ALPK2: variants seen among roughly 807,000 people sequenced by gnomAD.
ALPK2 encodes alpha-protein kinase 2.
Under a neutral mutation model 163.1 loss-of-function variants are expected in ALPK2, and 127 were observed. The observed-to-expected ratio is 0.78, with a 90% CI of 0.67 to 0.90. The LOEUF is 0.90. Among genes scored for constraint, ALPK2 ranks in the 40% least tolerant of loss-of-function variants. The pLI, the probability that ALPK2 is intolerant of heterozygous loss-of-function variation, is 0.00. For missense variants in ALPK2, 2,360 were observed against 2,589.6 expected (o/e 0.91, Z 1.92); for synonymous variants, 953 against 959.1 (o/e 0.99, Z 0.12).
In ALPK2 at chr18:58,481,869, G is replaced by A. The variant is rs201143538; in HGVS notation, c.6467C>T (p.Thr2156Ile). The A allele has an allele frequency of 3.2e-5, 52 of 1,614,036 alleles. No individual in the cohort carries two copies. In the East Asian group the frequency reaches 7.8e-4, roughly 24 times the overall value. ...GKSKVQTNSMTIKKAGPETPG... is the reference protein window; with the variant it reads ...GKSKVQTNSMIIKKAGPETPG... ...GGTCTCAGGCCCTGCCTTCTTTATT[G>A]TCATAGAGTTTGTTTGAACTTTGCT... The change falls in exon 13 of 13, where the codon ACA (threonine) becomes ATA (isoleucine). Residue 2156 changes from threonine to isoleucine, a missense_variant. Transcript: ENST00000361673.
intron 6 of ALPK2, among the ~76,000 whole-genome samples, chr18:58,528,056 C>G (rs773328455): frequency 1.3e-5 from 2 of 152,128 alleles, no homozygotes; most frequent in African/African-American, 2.4e-5. Context: ...ACTTTTGAAC[C>G]AGGTGATTTG....
At position 58,515,076 on chromosome 18, in the gene ALPK2, G is replaced by A. The variant is rs1254788995; in HGVS notation, c.5946C>T (p.Cys1982=). The change falls in exon 10 of 13, where the codon TGC becomes TGT. Residue 1982 remains cysteine, a synonymous_variant. Transcript: ENST00000361673. ...QRNYKLAAQE[C]YVQNTARYYA... ...AATACCTGGCAGTATTTTGAACATA[G>A]CATTCCTATATCGCCAAAATACATA... 1.2e-6 allele frequency: 2 copies of A among 1,610,690 alleles called. No homozygotes were observed. Among genetic ancestry groups the A allele is most frequent in the Non-Finnish European group, 1.7e-6 (2 of 1,178,116 alleles).
At chr18:58,496,124 A>G (rs2051399851) in intron 12 of ALPK2, among the ~76,000 whole-genome samples, 1 of 152,196 alleles carries the variant, frequency 6.6e-6, no homozygotes, top group Non-Finnish European at 1.5e-5. Context: ...TGGTACCATC[A>G]TGGGGAAACT....
chr18:58,544,333 C>G (rs1184608519), intron 4 of ALPK2: 1 of 152,166 alleles, frequency 6.6e-6, no homozygotes, highest in African/African-American at 2.4e-5. Context: ...GAATGTCTGC[C>G]ATGGATTTAA....
At chr18:58,625,047 T>C (rs189095706) in intron 1 of ALPK2, among the ~76,000 whole-genome samples, 1 of 152,296 alleles carries the variant, frequency 6.6e-6, no homozygotes, top group East Asian at 1.9e-4. Context: ...GCCCTCCATG[T>C]TTTTAGTTTG....
chr18:58,482,291 A>C (rs2051315811), intron 12 of ALPK2, among the ~76,000 whole-genome samples: 1 of 152,168 alleles, frequency 6.6e-6, no homozygotes. Context: ...CAGGGGTCCC[A>C]GGTGCTCACG....
intron 4 of ALPK2, among the ~76,000 whole-genome samples, chr18:58,541,491 C>T (rs1398802925): frequency 6.6e-6 from 1 of 152,254 alleles, no homozygotes; most frequent in Non-Finnish European, 1.5e-5. Flanking sequence ...CAAACCATAT[C>T]GCCCCTCTTA....
chr18:58,601,486 G>C (rs549698642), intron 3 of ALPK2, among the ~76,000 whole-genome samples: 6 of 152,288 alleles, frequency 3.9e-5, no homozygotes, highest in Non-Finnish European at 8.8e-5. Flanking sequence ...TTAAATGTGG[G>C]TTGGCCTGTG....
chr18:58,517,436 A>G (rs2051528181), intron 8 of ALPK2, among the ~76,000 whole-genome samples: 3 of 152,234 alleles, frequency 2.0e-5, no homozygotes, highest in African/African-American at 7.2e-5. Flanking sequence ...TGGAAAGATC[A>G]GGAAAAGAAT....
At chr18:58,482,678 G>T (rs1568062143) in intron 12 of ALPK2, among the ~76,000 whole-genome samples, 2 of 152,170 alleles carry the variant, frequency 1.3e-5, no homozygotes, top group Non-Finnish European at 2.9e-5. Context: ...TCTCCAGTAG[G>T]CCCTAAAAGG....
intron 3 of ALPK2, among the ~76,000 whole-genome samples, chr18:58,594,007 T>A (rs1369923428): frequency 6.7e-6 from 1 of 150,148 alleles, no homozygotes; most frequent in Admixed American, 6.6e-5. Flanking sequence ...CACCATCAGT[T>A]TTTTTTTTAA....
At chr18:58,539,221 A>G (rs1024198062) in intron 4 of ALPK2, among the ~76,000 whole-genome samples, 17 of 152,222 alleles carry the variant, frequency 1.1e-4, no homozygotes, top group African/African-American at 4.1e-4. Flanking sequence ...TTTCCTAGAG[A>G]AGCTTATAAA....
intron 1 of ALPK2, among the ~76,000 whole-genome samples, chr18:58,627,363 G>A (rs1340402551): frequency 6.6e-6 from 1 of 152,226 alleles, no homozygotes; most frequent in Non-Finnish European, 1.5e-5. Flanking sequence ...GCTCACGCCT[G>A]TAATCCCAAG....
Position 58,535,030 on chromosome 18 carries a change from G to T in ALPK2, c.5157C>A (p.Gly1719=), listed in dbSNP as rs773591003. 1 of 1,613,994 alleles carries T rather than the reference G, an allele frequency of 6.2e-7. No homozygotes were observed. The highest frequency in any genetic ancestry group is 1.7e-5 in the Admixed American group (1 of 60,002). The change falls in exon 5 of 13, where the codon GGC becomes GGA. Residue 1719 remains glycine (G), a synonymous_variant. Coordinates refer to ENST00000361673, the MANE Select transcript of ALPK2 (RefSeq NM_052947.4). The part of the protein sequence containing the change: ...EEVKRKPEAP[G]SGHLAEGVKK... ...TTACTCCCTCAGCTAAATGTCCACT[G>T]CCTGGGGCTTCTGGCTTCCTCTTGA...
At position 58,537,080 on chromosome 18, in the gene ALPK2, G is replaced by A. The variant is rs765785481; in HGVS notation, c.3107C>T (p.Thr1036Ile). 2 of 1,614,220 alleles carry A rather than the reference G, an allele frequency of 1.2e-6. No individual in the cohort carries two copies. Among genetic ancestry groups the A allele is most frequent in the Non-Finnish European group, 1.7e-6 (2 of 1,180,022 alleles). The change falls in exon 5 of 13, where the codon ACT (threonine) becomes ATT (isoleucine). Residue 1036 changes from threonine to isoleucine, a missense_variant. Physicochemically the swap from Thr to Ile is moderately conservative, Grantham distance 89. Transcript: ENST00000361673. ...GGATGCACGAGGGAACCTCTCCTCA[G>A]TGCCACCTGCATGCTTGTCCTCAGG... The part of the protein sequence containing the change: ...SIPEDKHAGG[T>I]EERFPRASHE...
At chr18:58,489,696 A>T (rs2051362278) in intron 12 of ALPK2, among the ~76,000 whole-genome samples, 1 of 151,972 alleles carries the variant, frequency 6.6e-6, no homozygotes, top group Non-Finnish European at 1.5e-5. Flanking sequence ...CAAAACAGTC[A>T]TAATAATAAT....
chr18:58,568,606 G>A (rs1332910470), intron 4 of ALPK2, among the ~76,000 whole-genome samples: 6 of 152,176 alleles, frequency 3.9e-5, no homozygotes, highest in African/African-American at 7.2e-5. Flanking sequence ...CTCTGTATCC[G>A]TGGGTTTTAA....
At chr18:58,618,981 G>A (rs2052184620) in intron 1 of ALPK2, among the ~76,000 whole-genome samples, 1 of 152,222 alleles carries the variant, frequency 6.6e-6, no homozygotes, top group Non-Finnish European at 1.5e-5. Context: ...GGGGACAGGA[G>A]GGATTAGTTC....
intron 8 of ALPK2, among the ~76,000 whole-genome samples, chr18:58,523,588 CT>C (rs1189664994): frequency 6.6e-6 from 1 of 152,176 alleles, no homozygotes; most frequent in Non-Finnish European, 1.5e-5. Context: ...TGTTTCCTGA[CT>C]TTTTAATGAT....
Sources: allele counts gnomAD v4.1 joint callset (sites outside exome capture counted in the v4.1 genomes callset), GRCh38; gene constraint gnomAD v4.1.1; transcripts MANE v1.5; gene names NCBI Gene and HGNC (gene_info 2026-07-23, HGNC 2026-07-21).